ST14: variants seen among roughly 807,000 people sequenced by gnomAD.
The protein encoded by ST14 is ST14 transmembrane serine protease matriptase, also known as suppressor of tumorigenicity 14 protein.
Under a neutral mutation model 96.5 loss-of-function variants are expected in ST14, and 40 were observed. That is an observed-to-expected ratio of 0.41 (90% CI 0.32 to 0.54). The LOEUF (loss-of-function observed/expected upper bound fraction) is 0.54, where lower values mean the gene tolerates loss of function less well. Among genes scored for constraint, ST14 ranks in the 20% least tolerant of loss-of-function variants. The probability of loss-of-function intolerance (pLI) is 0.17; values close to 1 mark genes in which losing one functional copy is unlikely to be tolerated. For synonymous variants in ST14, 506 were observed against 492.1 expected, an observed-to-expected ratio of 1.03 and a Z score of -0.37; for missense variants, 1,066 against 1,188.9, an observed-to-expected ratio of 0.90 and a Z score of 1.52.
chr11:130,179,391 G>A (rs563965733), intron 1 of ST14, among the ~76,000 whole-genome samples: 5 of 152,322 alleles, frequency 3.3e-5, no homozygotes, highest in African/African-American at 1.2e-4. Context: ...TAGAGAGATC[G>A]ATTACCCCTG....
chr11:130,204,226 G>C (rs1953463333), intron 16 of ST14, among the ~76,000 whole-genome samples: 1 of 152,216 alleles, frequency 6.6e-6, no homozygotes, highest in African/African-American at 2.4e-5. Context: ...TGAATGAGTT[G>C]ATGGGGGTTG....
intron 1 of ST14, among the ~76,000 whole-genome samples, chr11:130,166,266 G>C (rs778032754): frequency 2.0e-5 from 3 of 152,194 alleles, no homozygotes; most frequent in Non-Finnish European, 4.4e-5. Context: ...CCTCCTTGCT[G>C]TCTATGGTTC....
At chr11:130,194,799 T>A in intron 9 of ST14, 62 bp downstream of exon 9, 1 of 1,556,032 alleles carries the variant, frequency 6.4e-7, no homozygotes, top group Non-Finnish European at 8.8e-7. Context: ...CGTGTGTGTG[T>A]CTCCCTGTGC....
chr11:130,196,894 G>T, intron 11 of ST14, 194 bp downstream of exon 11: 1 of 771,174 alleles, frequency 1.3e-6, no homozygotes, highest in Non-Finnish European at 2.1e-6. Context: ...GGCTGTGAGC[G>T]CTGGCACACA....
intron 4 of ST14, 111 bp downstream of exon 4, chr11:130,189,050 G>A: frequency 8.7e-7 from 1 of 1,151,832 alleles, no homozygotes. Flanking sequence ...GTCCTGGCCT[G>A]GAGAGCCAAG....
Position 130,190,694 on chromosome 11 carries a change from A to G in ST14, c.875A>G (p.Gln292Arg). Residue 292 changes from glutamine to arginine, a missense_variant and splice_region_variant, in exon 7 of 19, where the codon CAG (glutamine) becomes CGG (arginine). Physicochemically the swap from Gln to Arg is conservative, Grantham distance 43 (BLOSUM62 1). Transcript: ENST00000278742. ...LSPMEPHALV[Q>R]LCGTYPPSYN... ...CCCATGGAGCCCCACGCCCTGGTGC[A>G]GTGAGTACCCCGGGGGGCGGGTAGG... 1 of 1,579,870 alleles carries G rather than the reference A, an allele frequency of 6.3e-7. No individual in the cohort carries two copies. Among genetic ancestry groups the G allele is most frequent in the Non-Finnish European group, 8.6e-7 (1 of 1,163,612 alleles).
At chr11:130,190,091 T>C in intron 5 of ST14, 22 bp from the exon 6 acceptor site, 1 of 1,614,156 alleles carries the variant, frequency 6.2e-7, no homozygotes, top group Non-Finnish European at 8.5e-7. Flanking sequence ...GGAAATGCTT[T>C]ATTCTCCTTC....
intron 1 of ST14, among the ~76,000 whole-genome samples, chr11:130,162,628 A>G (rs572965506): frequency 3.3e-5 from 5 of 152,320 alleles, no homozygotes; most frequent in African/African-American, 1.2e-4. Flanking sequence ...TCACATAACA[A>G]TATCTGCTAG....
At chr11:130,199,586 G>C (rs1189647864) in intron 15 of ST14, among the ~76,000 whole-genome samples, 30 of 152,166 alleles carry the variant, frequency 2.0e-4, no homozygotes, top group Admixed American at 2.0e-3. Context: ...GCTTCTCCCT[G>C]CTCCATGCTG....
intron 1 of ST14, among the ~76,000 whole-genome samples, chr11:130,178,336 A>G (rs1953160781): frequency 1.1e-5 from 1 of 93,372 alleles, no homozygotes; most frequent in Non-Finnish European, 1.8e-5. Context: ...ATCACGAATG[A>G]CAGCAAAATG....
At chr11:130,173,018 G>A (rs1953107050) in intron 1 of ST14, among the ~76,000 whole-genome samples, 1 of 152,210 alleles carries the variant, frequency 6.6e-6, no homozygotes, top group South Asian at 2.1e-4. Context: ...GCAGGGGAGG[G>A]TGTGGCGTCA....
In ST14 at chr11:130,190,110, C is replaced by T; in HGVS notation, c.599-3C>T. ...ATGCTTTATTCTCCTTCTTATTCTT[C>T]AGCCACGGACTCCAAAACAGTACAG... On this transcript the variant is annotated splice_region_variant and splice_polypyrimidine_tract_variant and intron_variant, in intron 5 of 18. Coordinates refer to ENST00000278742, the MANE Select transcript of ST14 (RefSeq NM_021978.4). 3 of 1,614,186 alleles carry T rather than the reference C, an allele frequency of 1.9e-6. No homozygotes were observed. The highest frequency in any genetic ancestry group is 2.5e-6 in the Non-Finnish European group (3 of 1,180,024).
chr11:130,204,594 C>T (rs1362899907), intron 16 of ST14, among the ~76,000 whole-genome samples: 1 of 152,108 alleles, frequency 6.6e-6, no homozygotes, highest in African/African-American at 2.4e-5. Flanking sequence ...GGCAGATCAC[C>T]TGAGGTCAGG....
chr11:130,166,297 G>T (rs1271750533), intron 1 of ST14, among the ~76,000 whole-genome samples: 1 of 152,118 alleles, frequency 6.6e-6, no homozygotes, highest in Non-Finnish European at 1.5e-5. Flanking sequence ...GTTGGTTGTT[G>T]TGCACACACC....
rs781653020 is a variant in ST14 at position 130,194,132 on chromosome 11, G to C, written c.876-17G>C. On this transcript the variant is annotated splice_polypyrimidine_tract_variant and intron_variant, in intron 7 of 18. Transcript: ENST00000278742. The stretch of plus-strand genomic sequence containing the variant: ...GTTCTGTCTGCTCTTCCTAATGCCC[G>C]CCCTCTGCCCCCACAGGTTGTGTGG... The C allele has an allele frequency of 1.2e-6, 2 of 1,613,954 alleles. No individual in the cohort carries two copies. The highest frequency in any genetic ancestry group is 2.7e-5 in the African/African-American group (2 of 74,894).
At chr11:130,190,353 G>A in intron 6 of ST14, 101 bp from the exon 7 acceptor site, 1 of 1,570,310 alleles carries the variant, frequency 6.4e-7, no homozygotes, top group Admixed American at 1.7e-5. Flanking sequence ...GCGTCTCGAA[G>A]GGGCGAGGCC....
chr11:130,189,855 G>A lies in ST14; in HGVS notation c.557G>A (p.Arg186His), dbSNP rs532856272. Residue 186 changes from arginine to histidine, a missense_variant, in exon 5 of 19, where the codon CGC (arginine) becomes CAC (histidine). Arg to His is a conservative substitution (Grantham distance 29). Transcript: ENST00000278742. ...ERVVMLPPRARSLKSFVVTSV... is the reference protein window; with the variant it reads ...ERVVMLPPRAHSLKSFVVTSV... ...GTAGTCATGCTGCCCCCGCGGGCGCGCTCCCTGAAGTCCTTTGTGGTCACC... is the reference window on the plus strand; with the variant it reads ...GTAGTCATGCTGCCCCCGCGGGCGCACTCCCTGAAGTCCTTTGTGGTCACC... 109 of 1,613,716 alleles carry A rather than the reference G, an allele frequency of 6.8e-5. No individual in the cohort carries two copies. Among genetic ancestry groups the A allele is most frequent in the Non-Finnish European group, 8.9e-5 (105 of 1,179,932 alleles).
In ST14 at chr11:130,198,313, G is replaced by A. The variant is rs773754153; in HGVS notation, c.1465G>A (p.Asp489Asn). The A allele has an allele frequency of 1.3e-5, 21 of 1,614,020 alleles. No individual in the cohort carries two copies. In the South Asian group the frequency reaches 1.4e-4, roughly 11 times the overall value. Reference protein sequence around the residue: ...DHSDELNCSCDAGHQFTCKNK... With the variant: ...DHSDELNCSCNAGHQFTCKNK... ...CTCCCCTTACCCCACTCCAGGTTGC[G>A]ACGCCGGCCACCAGTTCACGTGCAA... is the stretch of plus-strand genomic sequence containing the variant. Residue 489 changes from aspartate to asparagine, a missense_variant, in exon 13 of 19, where the codon GAC becomes AAC. Asp to Asn is a conservative substitution (Grantham distance 23, BLOSUM62 1). Transcript: ENST00000278742.
chr11:130,183,494 G>A (rs954675473), intron 1 of ST14, among the ~76,000 whole-genome samples: 1 of 149,352 alleles, frequency 6.7e-6, no homozygotes, highest in Non-Finnish European at 1.5e-5. Context: ...GATTGCTTGA[G>A]CCAAGAATTC....
Sources: allele counts gnomAD v4.1 joint callset (sites outside exome capture counted in the v4.1 genomes callset), GRCh38; gene constraint gnomAD v4.1.1; transcripts MANE v1.5; gene names NCBI Gene and HGNC (gene_info 2026-07-23, HGNC 2026-07-21).